Variants in CSMD1 observed in about 807,000 individuals in gnomAD.
CSMD1 encodes CUB and Sushi multiple domains 1.
In CSMD1, 213 loss-of-function variants were observed where a neutral mutation model predicts 417.5. The ratio of observed to expected loss-of-function variants is 0.51; its 90% CI spans 0.46 to 0.57. The LOEUF is 0.57. Among genes scored for constraint, CSMD1 ranks in the 20% least tolerant of loss-of-function variants. CSMD1 has a pLI of 0.00. For synonymous variants in CSMD1, 2,862 were observed against 1,736.8 expected, an observed-to-expected ratio of 1.65 and a Z score of -16.11; for missense variants, 6,923 against 4,529.7, an observed-to-expected ratio of 1.53 and a Z score of -15.17.
At chr8:4,514,777 C>G (rs137917595) in intron 2 of CSMD1, among the ~76,000 whole-genome samples, 13 of 152,282 alleles carry the variant, frequency 8.5e-5, no homozygotes, top group African/African-American at 3.1e-4. Flanking sequence ...AAGATACACA[C>G]TCTGGTGATT....
At chr8:3,081,126 G>A (rs1352817692) in intron 49 of CSMD1, among the ~76,000 whole-genome samples, 1 of 152,130 alleles carries the variant, frequency 6.6e-6, no homozygotes, top group Non-Finnish European at 1.5e-5. Context: ...GCATCCACAT[G>A]GTTTATAAGA....
chr8:4,921,090 AAAAG>A (rs1259105505), intron 1 of CSMD1, among the ~76,000 whole-genome samples: 16 of 151,250 alleles, frequency 1.1e-4, no homozygotes, highest in African/African-American at 3.9e-4. Context: ...GAAAGAAAGA[AAAAG>A]AAAAAAGAAG....
intron 10 of CSMD1, among the ~76,000 whole-genome samples, chr8:3,503,559 T>G (rs563114251): frequency 1.3e-5 from 2 of 152,318 alleles, no homozygotes; most frequent in East Asian, 3.9e-4. Context: ...CTTTAAGTAT[T>G]ACTGACATCC....
intron 2 of CSMD1, among the ~76,000 whole-genome samples, chr8:4,470,380 C>A (rs1002547865): frequency 6.6e-6 from 1 of 152,194 alleles, no homozygotes; most frequent in African/African-American, 2.4e-5. Context: ...TCTCTTCCCT[C>A]TTATTTTTAT....
chr8:4,172,571 G>C (rs545474785), intron 3 of CSMD1, among the ~76,000 whole-genome samples: 3 of 151,952 alleles, frequency 2.0e-5, no homozygotes, highest in Non-Finnish European at 4.4e-5. Context: ...CACAAATCCA[G>C]AACTGTATAT....
chr8:3,141,879 G>A (rs1458441511), intron 41 of CSMD1, among the ~76,000 whole-genome samples: 16 of 150,372 alleles, frequency 1.1e-4, no homozygotes, highest in African/African-American at 3.4e-4. Context: ...CTCACTGCAA[G>A]CTCCGCCTCC....
intron 5 of CSMD1, among the ~76,000 whole-genome samples, chr8:3,867,767 C>T (rs1805204799): frequency 6.6e-6 from 1 of 152,140 alleles, no homozygotes; most frequent in Non-Finnish European, 1.5e-5. Flanking sequence ...CCTCCCAGGG[C>T]CAGGCAGCTT....
chr8:4,355,399 C>G (rs1006555868), intron 3 of CSMD1, among the ~76,000 whole-genome samples: 19 of 151,858 alleles, frequency 1.3e-4, no homozygotes, highest in African/African-American at 4.6e-4. Context: ...TAAGAGTGTT[C>G]TTAACAGAAG....
intron 5 of CSMD1, among the ~76,000 whole-genome samples, chr8:3,827,394 T>C (rs1217096504): frequency 6.6e-5 from 10 of 152,226 alleles, no homozygotes; most frequent in Admixed American, 3.9e-4. Context: ...TGTACTTAGA[T>C]ATCAAATACC....
At chr8:4,541,916 A>G (rs566194995) in intron 2 of CSMD1, among the ~76,000 whole-genome samples, 6 of 152,224 alleles carry the variant, frequency 3.9e-5, no homozygotes, top group African/African-American at 1.2e-4. Flanking sequence ...CACTCTGTCC[A>G]TTTCTATAGG....
chr8:3,052,781 C>CTTT, intron 49 of CSMD1, 134 bp from the exon 50 acceptor site: 25 of 536,564 alleles, frequency 4.7e-5, no homozygotes, highest in South Asian at 6.9e-5. Flanking sequence ...CTTTTTTTTT[C>CTTT]TTTCTTTTTT....
At chr8:4,826,160 G>C (rs901430876) in intron 1 of CSMD1, among the ~76,000 whole-genome samples, 7 of 151,956 alleles carry the variant, frequency 4.6e-5, no homozygotes, top group Non-Finnish European at 1.0e-4. Flanking sequence ...ATTCAAATCA[G>C]GATCTTGTAG....
intron 2 of CSMD1, among the ~76,000 whole-genome samples, chr8:4,453,188 C>A (rs188689726): frequency 5.5e-5 from 8 of 145,616 alleles, no homozygotes; most frequent in African/African-American, 1.8e-4. Flanking sequence ...TCCCAACACA[C>A]AGACACACCC....
At chr8:4,937,677 G>C (rs180706675) in intron 1 of CSMD1, among the ~76,000 whole-genome samples, 2 of 152,148 alleles carry the variant, frequency 1.3e-5, no homozygotes, top group East Asian at 1.9e-4. Context: ...ATTTAAAATA[G>C]AGCAGTGGTT....
chr8:4,630,382 G>C (rs918464258), intron 2 of CSMD1, among the ~76,000 whole-genome samples: 3 of 151,862 alleles, frequency 2.0e-5, no homozygotes, highest in Non-Finnish European at 4.4e-5. Context: ...ACCATGATGA[G>C]AGCCCAATCT....
chr8:3,625,494 TATC>T (rs1796447879), intron 7 of CSMD1, among the ~76,000 whole-genome samples: 2 of 152,156 alleles, frequency 1.3e-5, no homozygotes, highest in Admixed American at 1.3e-4. Context: ...GATCACCTAT[TATC>T]ATAATTCATA....
At chr8:4,145,382 T>C (rs925908287) in intron 3 of CSMD1, among the ~76,000 whole-genome samples, 4 of 151,200 alleles carry the variant, frequency 2.6e-5, no homozygotes, top group South Asian at 2.1e-4. Flanking sequence ...AAACATTATA[T>C]ACTATAGTCT....
At chr8:4,290,605 C>T (rs897242428) in intron 3 of CSMD1, among the ~76,000 whole-genome samples, 41 of 152,304 alleles carry the variant, frequency 2.7e-4, no homozygotes, top group African/African-American at 9.9e-4. Flanking sequence ...TTACCAAGGA[C>T]AGGTAGATGC....
At chr8:3,375,199 T>A (rs1447317580) in intron 18 of CSMD1, 3 of 152,246 alleles carry the variant, frequency 2.0e-5, no homozygotes, top group African/African-American at 7.2e-5. Context: ...GATGTCACCT[T>A]GGAGTCACCT....
Sources: allele counts gnomAD v4.1 joint callset (sites outside exome capture counted in the v4.1 genomes callset), GRCh38; gene constraint gnomAD v4.1.1; transcripts MANE v1.5; gene names NCBI Gene and HGNC (gene_info 2026-07-23, HGNC 2026-07-21).